The following SH3RF1 variants were observed in gnomAD, a reference collection of about 807,000 sequenced individuals.
SH3RF1 encodes SH3 domain containing ring finger 1, also known as E3 ubiquitin-protein ligase SH3RF1.
In SH3RF1, 32 loss-of-function variants were observed where a neutral mutation model predicts 74.0. That is an observed-to-expected ratio of 0.43 (90% confidence interval 0.33 to 0.58). SH3RF1 has a LOEUF of 0.58. Ranked by LOEUF, SH3RF1 falls within the 20% of genes least tolerant of loss-of-function variation. SH3RF1 has a pLI of 0.05. For missense variants in SH3RF1, 954 were observed against 1,130.9 expected (o/e 0.84, Z 2.24); for synonymous variants, 396 against 439.6 (o/e 0.90, Z 1.24).
chr4:169,103,013 C>G (rs1043533279), intron 11 of SH3RF1, among the ~76,000 whole-genome samples: 4 of 149,382 alleles, frequency 2.7e-5, no homozygotes, highest in Admixed American at 2.0e-4. Context: ...CCTCCACCTC[C>G]CGGGTTCAAG....
At chr4:169,244,064 C>T (rs539133054) in intron 2 of SH3RF1, among the ~76,000 whole-genome samples, 3 of 152,308 alleles carry the variant, frequency 2.0e-5, no homozygotes, top group South Asian at 4.1e-4. Flanking sequence ...TAGCAACAGG[C>T]TTCTACATGC....
intron 4 of SH3RF1, among the ~76,000 whole-genome samples, chr4:169,146,568 G>C (rs1264810206): frequency 6.6e-6 from 1 of 152,066 alleles, no homozygotes; most frequent in African/African-American, 2.4e-5. Flanking sequence ...AGATGTTATT[G>C]AGAGGACAAA....
intron 2 of SH3RF1, among the ~76,000 whole-genome samples, chr4:169,157,036 C>T (rs549453133): frequency 3.3e-4 from 51 of 152,318 alleles, no homozygotes; most frequent in African/African-American, 1.2e-3. Flanking sequence ...TAACTTCCTA[C>T]ATTAACTACT....
At chr4:169,247,321 T>C (rs537622413) in intron 2 of SH3RF1, among the ~76,000 whole-genome samples, 1 of 152,236 alleles carries the variant, frequency 6.6e-6, no homozygotes, top group South Asian at 2.1e-4. Flanking sequence ...TTCCCCCAAA[T>C]AAATATTTAC....
chr4:169,259,673 G>A (rs1731246147), intron 2 of SH3RF1, among the ~76,000 whole-genome samples: 5 of 152,194 alleles, frequency 3.3e-5, no homozygotes. Context: ...TTGGGAGGGT[G>A]AGGGAGTTGA....
chr4:169,231,125 G>A (rs1730732024), intron 2 of SH3RF1, among the ~76,000 whole-genome samples: 1 of 152,196 alleles, frequency 6.6e-6, no homozygotes, highest in Non-Finnish European at 1.5e-5. Context: ...GGGTTGTTGT[G>A]AGAATTAACT....
At chr4:169,145,526 T>C (rs1168709160) in intron 4 of SH3RF1, among the ~76,000 whole-genome samples, 1 of 148,548 alleles carries the variant, frequency 6.7e-6, no homozygotes, top group African/African-American at 2.5e-5. Flanking sequence ...GTAATACCAA[T>C]GTAATAAACC....
chr4:169,157,404 G>T (rs1734076813), intron 2 of SH3RF1, among the ~76,000 whole-genome samples: 1 of 152,216 alleles, frequency 6.6e-6, no homozygotes, highest in South Asian at 2.1e-4. Flanking sequence ...TTGTTAGGCT[G>T]ATAAGCTAAG....
At chr4:169,157,401 G>A (rs1436270000) in intron 2 of SH3RF1, among the ~76,000 whole-genome samples, 1 of 152,192 alleles carries the variant, frequency 6.6e-6, no homozygotes, top group African/African-American at 2.4e-5. Context: ...ACATTGTTAG[G>A]CTGATAAGCT....
rs185351364 is a variant in SH3RF1, at chr4:169,163,719, C to T, written c.394-7040G>A. 7.4e-3 allele frequency among the ~76,000 whole-genome samples: 1,127 copies of T among 152,280 alleles called. 10 individuals are homozygous for T. Among genetic ancestry groups the T allele is most frequent in the Non-Finnish European group, 0.012 (794 of 68,028 alleles). On this transcript the variant is annotated intron_variant, in intron 2 of 11. Transcript: ENST00000284637. ...TCCACCTCATATTTTCCACCCTCAG[C>T]AAGCAAACCAGTCTGCTGTCATCAC...
chr4:169,156,717 A>G (rs1734062948), intron 2 of SH3RF1, 38 bp from the exon 3 acceptor site: 1 of 1,529,572 alleles, frequency 6.5e-7, no homozygotes, highest in Non-Finnish European at 8.8e-7. Context: ...TAATAAAATA[A>G]TGGTCTTAAA....
At chr4:169,249,808 G>A (rs958065710) in intron 2 of SH3RF1, among the ~76,000 whole-genome samples, 2 of 152,092 alleles carry the variant, frequency 1.3e-5, no homozygotes, top group Non-Finnish European at 2.9e-5. Flanking sequence ...GTTTATGAGT[G>A]ACTTATAAAG....
At chr4:169,238,173 T>C (rs1276503371) in intron 2 of SH3RF1, among the ~76,000 whole-genome samples, 1 of 152,216 alleles carries the variant, frequency 6.6e-6, no homozygotes, top group Admixed American at 6.5e-5. Context: ...AATAAAGCTT[T>C]ACTTACCATC....
chr4:169,176,303 T>C (rs1341300308), intron 2 of SH3RF1, among the ~76,000 whole-genome samples: 1 of 152,158 alleles, frequency 6.6e-6, no homozygotes, highest in Non-Finnish European at 1.5e-5. Flanking sequence ...GGACTGTCCA[T>C]CCTTTGGAAT....
At chr4:169,202,338 T>G (rs180763763) in intron 2 of SH3RF1, among the ~76,000 whole-genome samples, 2 of 152,170 alleles carry the variant, frequency 1.3e-5, no homozygotes, top group African/African-American at 4.8e-5. Context: ...CAACCTTGAC[T>G]CTCAGCCCTC....
At chr4:169,260,652 C>A (rs1013400942) in intron 2 of SH3RF1, among the ~76,000 whole-genome samples, 1 of 152,098 alleles carries the variant, frequency 6.6e-6, no homozygotes, top group Non-Finnish European at 1.5e-5. Flanking sequence ...GCCCAGCCAG[C>A]AGTAACAGAA....
intron 2 of SH3RF1, among the ~76,000 whole-genome samples, chr4:169,168,735 C>T (rs1734283012): frequency 1.3e-5 from 2 of 152,160 alleles, no homozygotes; most frequent in African/African-American, 4.8e-5. Flanking sequence ...TGGTTCTGCC[C>T]AAAGGCAAAG....
intron 2 of SH3RF1, among the ~76,000 whole-genome samples, chr4:169,182,568 T>C (rs753954824): frequency 1.3e-5 from 2 of 152,216 alleles, no homozygotes; most frequent in Non-Finnish European, 2.9e-5. Flanking sequence ...ATTTTATTAG[T>C]CTCTATCACA....
intron 5 of SH3RF1, among the ~76,000 whole-genome samples, chr4:169,130,561 G>A (rs1381886619): frequency 1.3e-5 from 2 of 152,136 alleles, no homozygotes; most frequent in African/African-American, 4.8e-5. Context: ...ACACTCACCT[G>A]TCTATCAATA....
Sources: gnomAD v4.1 joint callset for allele counts (sites outside exome capture counted in the v4.1 genomes callset) on GRCh38, gnomAD v4.1.1 for gene constraint, MANE v1.5 for transcripts, NCBI Gene and HGNC (gene_info 2026-07-23, HGNC 2026-07-21) for gene names.